Variants in MACROD2 observed in about 807,000 individuals in gnomAD.
MACROD2 encodes the protein mono-ADP ribosylhydrolase 2.
MACROD2 carries 36 observed loss-of-function variants against 70.4 expected under a neutral mutation model. The observed-to-expected ratio is 0.51, with a 90% CI of 0.39 to 0.68. The LOEUF is 0.68. Among genes scored for constraint, MACROD2 ranks in the 30% least tolerant of loss-of-function variants. The pLI is 0.00. For synonymous variants in MACROD2, 172 were observed against 178.8 expected, an observed-to-expected ratio of 0.96 and a Z score of 0.30; for missense variants, 496 against 538.4, an observed-to-expected ratio of 0.92 and a Z score of 0.78.
At chr20:15,580,286 G>A (rs2048505735) in intron 8 of MACROD2, among the ~76,000 whole-genome samples, 1 of 152,046 alleles carries the variant, frequency 6.6e-6, no homozygotes. Flanking sequence ...CATTCTTCTG[G>A]CTCTGTTAAG....
At chr20:14,958,423 A>G (rs1321769342) in intron 5 of MACROD2, among the ~76,000 whole-genome samples, 2 of 152,192 alleles carry the variant, frequency 1.3e-5, no homozygotes, top group Non-Finnish European at 2.9e-5. Context: ...TTCCAGAGAT[A>G]GATGAGAAGA....
intron 5 of MACROD2, among the ~76,000 whole-genome samples, chr20:15,177,153 G>C (rs1568618672): frequency 6.6e-6 from 1 of 152,222 alleles, no homozygotes; most frequent in Non-Finnish European, 1.5e-5. Context: ...ATCCAGGACA[G>C]TAGCGTGAGC....
At chr20:15,120,450 T>A (rs1377303726) in intron 5 of MACROD2, among the ~76,000 whole-genome samples, 2 of 152,150 alleles carry the variant, frequency 1.3e-5, no homozygotes, top group African/African-American at 4.8e-5. Flanking sequence ...CCCTACTTTA[T>A]GTAATATTTT....
In MACROD2 at chr20:15,348,354, G is replaced by T. The variant is rs564323331; in HGVS notation, c.541-83051G>T. ...TTAGCATTAGCATTGTTGTAATAAT[G>T]CAAGAGGTAAACTTGTACTGTATTA... is the stretch of plus-strand genomic sequence containing the variant. On this transcript the variant is annotated intron_variant, in intron 6 of 17. Transcript: ENST00000684519. Among the ~76,000 whole-genome samples, 8 of 152,320 alleles carry T rather than the reference G, an allele frequency of 5.3e-5. No individual in the cohort carries two copies. In the South Asian group the frequency reaches 1.7e-3, roughly 32 times the overall value.
intron 3 of MACROD2, among the ~76,000 whole-genome samples, chr20:14,215,966 T>C (rs902051320): frequency 6.6e-6 from 1 of 152,206 alleles, no homozygotes; most frequent in Non-Finnish European, 1.5e-5. Context: ...GAGTTGTCTG[T>C]TTACTCTGCT....
intron 5 of MACROD2, among the ~76,000 whole-genome samples, chr20:14,800,772 G>C (rs1568803221): frequency 6.6e-6 from 1 of 152,092 alleles, no homozygotes; most frequent in Non-Finnish European, 1.5e-5. Flanking sequence ...TCGTAGCCAT[G>C]GGTATAGTTA....
intron 3 of MACROD2, among the ~76,000 whole-genome samples, chr20:14,103,349 C>A (rs1601227417): frequency 6.6e-6 from 1 of 152,118 alleles, no homozygotes; most frequent in Admixed American, 6.5e-5. Context: ...CTAAAAAATG[C>A]AAGGGAAACT....
intron 5 of MACROD2, among the ~76,000 whole-genome samples, chr20:15,030,707 G>A (rs1360873613): frequency 1.3e-5 from 2 of 151,148 alleles, no homozygotes; most frequent in African/African-American, 4.9e-5. Flanking sequence ...GTATGGCAGA[G>A]ATTCCAGATA....
chr20:14,095,878 G>A (rs2054217249), intron 3 of MACROD2, among the ~76,000 whole-genome samples: 2 of 152,126 alleles, frequency 1.3e-5, no homozygotes, highest in South Asian at 4.1e-4. Flanking sequence ...ACCTGCCTTT[G>A]ACAGTTCATT....
chr20:14,325,984 T>C, intron 3 of MACROD2: 10 of 1,613,838 alleles, frequency 6.2e-6, no homozygotes, highest in Non-Finnish European at 8.5e-6. Flanking sequence ...GGTTGTAGGG[T>C]TGTACATTCG....
At chr20:14,384,372 CTT>C (rs1215863187) in intron 3 of MACROD2, among the ~76,000 whole-genome samples, 1 of 152,078 alleles carries the variant, frequency 6.6e-6, no homozygotes, top group Non-Finnish European at 1.5e-5. Context: ...AAAATCAACA[CTT>C]TTAAAATTTT....
At chr20:15,195,464 A>G (rs967481452) in intron 5 of MACROD2, among the ~76,000 whole-genome samples, 2 of 152,042 alleles carry the variant, frequency 1.3e-5, no homozygotes, top group African/African-American at 4.8e-5. Context: ...ACTTGCAGCC[A>G]ACAAACATGA....
chr20:14,149,525 C>CA (rs2054989112), intron 3 of MACROD2, among the ~76,000 whole-genome samples: 1 of 152,106 alleles, frequency 6.6e-6, no homozygotes. Flanking sequence ...ATTGGTGGGT[C>CA]AAGTGGTAGT....
intron 3 of MACROD2, among the ~76,000 whole-genome samples, chr20:14,119,522 A>G (rs1411299022): frequency 6.6e-6 from 1 of 152,098 alleles, no homozygotes; most frequent in Non-Finnish European, 1.5e-5. Context: ...TGGTGCTTCA[A>G]GTGTTTCTGT....
chr20:15,140,300 C>T (rs976836400), intron 5 of MACROD2, among the ~76,000 whole-genome samples: 8 of 151,004 alleles, frequency 5.3e-5, no homozygotes, highest in African/African-American at 1.7e-4. Context: ...GCTGCTTCAA[C>T]GGAGAGAGCC....
chr20:15,152,607 C>A (rs921675624), intron 5 of MACROD2, among the ~76,000 whole-genome samples: 2 of 149,646 alleles, frequency 1.3e-5, no homozygotes, highest in Non-Finnish European at 3.0e-5. Flanking sequence ...TTGAGGGGTT[C>A]TTGCCTCTCC....
chr20:15,157,458 G>GC (rs11480279), intron 5 of MACROD2, among the ~76,000 whole-genome samples: 89,360 of 150,698 alleles, frequency 0.59, 26,540 homozygotes, highest in East Asian at 0.66. Context: ...CAGGCATTCA[G>GC]CCATAAAAAT....
chr20:14,625,525 G>A (rs1238484906), intron 4 of MACROD2, among the ~76,000 whole-genome samples: 1 of 152,066 alleles, frequency 6.6e-6, no homozygotes, highest in East Asian at 1.9e-4. Flanking sequence ...CCACTCCAAT[G>A]CTGACACAAT....
intron 8 of MACROD2, among the ~76,000 whole-genome samples, chr20:15,585,048 G>A (rs573623959): frequency 6.6e-6 from 1 of 152,160 alleles, no homozygotes; most frequent in African/African-American, 2.4e-5. Flanking sequence ...GGACTACACT[G>A]CTATGGTCCA....
Sources: allele counts gnomAD v4.1 joint callset (sites outside exome capture counted in the v4.1 genomes callset), GRCh38; gene constraint gnomAD v4.1.1; transcripts MANE v1.5; gene names NCBI Gene and HGNC (gene_info 2026-07-23, HGNC 2026-07-21).